The following HIBCH variants were observed in gnomAD, a reference collection of about 807,000 sequenced individuals.
HIBCH encodes the protein 3-hydroxyisobutyryl-CoA hydrolase.
A neutral mutation model predicts 58.2 loss-of-function variants in HIBCH; 50 were observed. The ratio of observed to expected loss-of-function variants is 0.86; its 90% CI spans 0.68 to 1.09. The LOEUF (loss-of-function observed/expected upper bound fraction) is 1.09, where lower values mean the gene tolerates loss of function less well. Among genes scored for constraint, HIBCH ranks in the 50% least tolerant of loss-of-function variants. The pLI, the probability that HIBCH is intolerant of heterozygous loss-of-function variation, is 0.00. For synonymous variants in HIBCH, 151 were observed against 146.9 expected, an observed-to-expected ratio of 1.03 and a Z score of -0.20; for missense variants, 450 against 449.7, an observed-to-expected ratio of 1.00 and a Z score of -0.01.
intron 1 of HIBCH, among the ~76,000 whole-genome samples, chr2:190,319,088 G>A (rs926561643): frequency 2.0e-5 from 3 of 152,184 alleles, no homozygotes; most frequent in Non-Finnish European, 4.4e-5. Context: ...ACAGGGCCAG[G>A]CAGTGGGCTG....
intron 11 of HIBCH, among the ~76,000 whole-genome samples, chr2:190,223,265 A>G (rs1413670183): frequency 1.3e-5 from 2 of 152,190 alleles, no homozygotes; most frequent in African/African-American, 2.4e-5. Flanking sequence ...AACTTAAAGT[A>G]TAATAAAAAA....
In HIBCH at chr2:190,216,801, T is replaced by A. The variant is rs1685556797; in HGVS notation, c.892-3726A>T. On this transcript the variant is annotated intron_variant, in intron 11 of 13. Transcript: ENST00000359678. The surrounding 1 kb of genome is among the most constrained non-coding windows in gnomAD (Gnocchi z 4.2). Reference sequence around the variant, plus strand: ...CGCTTTGAGGTGGGATGTTTAAAAGTTCTGTTTCCCAGAGCTTGGCTGGGC... The same window carrying A: ...CGCTTTGAGGTGGGATGTTTAAAAGATCTGTTTCCCAGAGCTTGGCTGGGC... Among the ~76,000 whole-genome samples the A allele has an allele frequency of 6.6e-6, 1 of 152,092 alleles. No homozygotes were observed. Among genetic ancestry groups the A allele is most frequent in the South Asian group, 2.1e-4 (1 of 4,816 alleles).
chr2:190,191,342 A>AG (rs1689700867), intron 1 of HIBCH, among the ~76,000 whole-genome samples: 1 of 152,100 alleles, frequency 6.6e-6, no homozygotes, highest in Admixed American at 6.6e-5. Flanking sequence ...ACAGAGTTTC[A>AG]CCATGTTGGC....
At position 190,238,294 on chromosome 2, in the gene HIBCH, T is replaced by C. The variant is rs140773415; in HGVS notation, c.891+6593A>G. On this transcript the variant is annotated intron_variant, in intron 11 of 13. Coordinates refer to ENST00000359678, the MANE Select transcript of HIBCH (RefSeq NM_014362.4). ...CTAATTTACACTCCCACCAACAGTGTAAAAGTGTACCTATTTCTCTGCATC... is the reference window on the plus strand; with the variant it reads ...CTAATTTACACTCCCACCAACAGTGCAAAAGTGTACCTATTTCTCTGCATC... Among the ~76,000 whole-genome samples, 643 of 152,324 alleles carry C rather than the reference T, an allele frequency of 4.2e-3. 2 individuals carry two copies. Among genetic ancestry groups the C allele is most frequent in the African/African-American group, 0.014 (595 of 41,580 alleles).
intron 2 of HIBCH, among the ~76,000 whole-genome samples, chr2:190,307,056 T>G (rs1559064716): frequency 6.6e-6 from 1 of 152,192 alleles, no homozygotes. Context: ...ACGGTTTTGT[T>G]ACAGCAGCTC....
At chr2:190,290,339 C>T (rs1687928122) in intron 5 of HIBCH, 66 bp downstream of exon 5, 5 of 1,120,558 alleles carry the variant, frequency 4.5e-6, no homozygotes, top group Non-Finnish European at 5.4e-6. Context: ...GCATTTTTAA[C>T]AAAGTACATA....
At chr2:190,229,372 T>A (rs1187877358) in intron 11 of HIBCH, among the ~76,000 whole-genome samples, 1 of 152,094 alleles carries the variant, frequency 6.6e-6, no homozygotes, top group Non-Finnish European at 1.5e-5. Context: ...TGCTTAAAGG[T>A]GTAGGAAGAA....
At chr2:190,192,169 T>C (rs899669604) in intron 1 of HIBCH, among the ~76,000 whole-genome samples, 2 of 152,176 alleles carry the variant, frequency 1.3e-5, no homozygotes, top group Non-Finnish European at 2.9e-5. Context: ...GGGGAGAGTA[T>C]GTGAATGTCC....
In HIBCH at chr2:190,296,839, T is replaced by G; in HGVS notation, c.193A>C (p.Ile65Leu). ...TTTAGCTGTGGATAAATCTGCCGAA[T>G]CATATTAAGAGTCAGTGCATTGAGG... ...KFLNALTLNM[I>L]RQIYPQLKKW... Residue 65 changes from isoleucine to leucine, a missense_variant, in exon 3 of 14, where the codon ATT (isoleucine) becomes CTT (leucine). Physicochemically the swap from Ile to Leu is conservative, Grantham distance 5. Coordinates refer to ENST00000359678, the MANE Select transcript of HIBCH (RefSeq NM_014362.4). 1 of 1,614,044 alleles carries G rather than the reference T, an allele frequency of 6.2e-7. No individual in the cohort carries two copies. Among genetic ancestry groups the G allele is most frequent in the South Asian group, 1.1e-5 (1 of 91,082 alleles).
chr2:190,262,019 C>T (rs1687099776), intron 6 of HIBCH, among the ~76,000 whole-genome samples: 1 of 152,066 alleles, frequency 6.6e-6, no homozygotes, highest in South Asian at 2.1e-4. Flanking sequence ...AGATAAGGTT[C>T]TTCTTACTCT....
chr2:190,258,556 A>T (rs1036592428), intron 7 of HIBCH, among the ~76,000 whole-genome samples: 2 of 152,234 alleles, frequency 1.3e-5, no homozygotes, highest in African/African-American at 4.8e-5. Context: ...GTCTATGCAC[A>T]GACCTTGGGA....
chr2:190,247,933 A>C (rs1258939749), intron 9 of HIBCH, among the ~76,000 whole-genome samples: 1 of 152,226 alleles, frequency 6.6e-6, no homozygotes, highest in Non-Finnish European at 1.5e-5. Context: ...GTATAGTGTA[A>C]AAGTTTTTAT....
intron 3 of HIBCH, 138 bp from the exon 4 acceptor site, chr2:190,294,768 T>C: frequency 1.5e-6 from 1 of 681,944 alleles, no homozygotes; most frequent in Non-Finnish European, 2.7e-6. Flanking sequence ...CTGTAAGGGA[T>C]ATCCAGAAGA....
chr2:190,266,881 C>T (rs991370583), intron 6 of HIBCH, among the ~76,000 whole-genome samples: 2 of 151,432 alleles, frequency 1.3e-5, no homozygotes, highest in Admixed American at 6.6e-5. Flanking sequence ...CTCAGCCTCC[C>T]GAGCAGCTGA....
intron 10 of HIBCH, 86 bp from the exon 11 acceptor site, chr2:190,245,054 CCA>C: frequency 1.2e-6 from 1 of 862,494 alleles, no homozygotes; most frequent in East Asian, 2.4e-5. Context: ...AGGCTTTCCC[CCA>C]CCTCTGTTTC....
At chr2:190,230,282 GAAGA>G (rs1023929467) in intron 11 of HIBCH, among the ~76,000 whole-genome samples, 1 of 152,078 alleles carries the variant, frequency 6.6e-6, no homozygotes, top group Non-Finnish European at 1.5e-5. Context: ...ATGGTGGGTG[GAAGA>G]GAGAGAGAAA....
intron 11 of HIBCH, among the ~76,000 whole-genome samples, chr2:190,225,331 C>G (rs1408989694): frequency 2.6e-5 from 4 of 151,984 alleles, no homozygotes; most frequent in Non-Finnish European, 4.4e-5. Flanking sequence ...GAATCCAGGA[C>G]CTGGTTTTTT....
chr2:190,214,550 T>G lies in HIBCH; in HGVS notation c.892-1475A>C, dbSNP rs1281823457. 1 of 152,230 alleles carries G rather than the reference T, an allele frequency of 6.6e-6. No individual in the cohort carries two copies. The highest frequency in any genetic ancestry group is 1.5e-5 in the Non-Finnish European group (1 of 68,042). 9.4% of individuals were successfully genotyped at this position (152,230 alleles called of 1,614,324 possible). On this transcript the variant is annotated intron_variant, in intron 11 of 13. Coordinates refer to ENST00000359678, the MANE Select transcript of HIBCH (RefSeq NM_014362.4). The surrounding 1 kb of genome is among the most constrained non-coding windows in gnomAD (Gnocchi z 5.5). ...TTATCTGGCCCAAAAAGCCCATTTG[T>G]CAGCCTTTGGTCTTTTGGCCTAAGT...
At chr2:190,296,237 G>T (rs533983660) in intron 3 of HIBCH, among the ~76,000 whole-genome samples, 1 of 152,100 alleles carries the variant, frequency 6.6e-6, no homozygotes, top group Non-Finnish European at 1.5e-5. Context: ...TGGCTAACAC[G>T]GTGAAACCCC....
Sources: allele counts gnomAD v4.1 joint callset (sites outside exome capture counted in the v4.1 genomes callset), GRCh38; gene constraint gnomAD v4.1.1; non-coding constraint Gnocchi (gnomAD v3.1); transcripts MANE v1.5; gene names NCBI Gene and HGNC (gene_info 2026-07-23, HGNC 2026-07-21).